ASIC2: variants seen among roughly 807,000 people sequenced by gnomAD.
ASIC2 encodes acid sensing ion channel subunit 2, also known as acid-sensing ion channel 2.
ASIC2 carries 25 observed loss-of-function variants against 57.3 expected under a neutral mutation model. That is an observed-to-expected ratio of 0.44 (90% confidence interval 0.32 to 0.61). The LOEUF is 0.61. ASIC2 is among the 20% of genes least tolerant of loss of function. ASIC2 has a pLI of 0.06. For missense variants in ASIC2, 641 were observed against 738.1 expected (o/e 0.87, Z 1.52); for synonymous variants, 319 against 307.5 (o/e 1.04, Z -0.39).
At chr17:34,091,454 T>C (rs1382480743) in intron 1 of ASIC2, among the ~76,000 whole-genome samples, 1 of 152,224 alleles carries the variant, frequency 6.6e-6, no homozygotes, top group Non-Finnish European at 1.5e-5. Flanking sequence ...GCCCACAAAC[T>C]TGAGTGGCAG....
intron 1 of ASIC2, among the ~76,000 whole-genome samples, chr17:33,545,145 A>T (rs910746631): frequency 1.3e-5 from 2 of 152,214 alleles, no homozygotes; most frequent in Admixed American, 6.5e-5. Flanking sequence ...CCTACTCCAT[A>T]GATAAATCAG....
intron 1 of ASIC2, among the ~76,000 whole-genome samples, chr17:33,670,882 G>A (rs1404459502): frequency 1.3e-5 from 2 of 152,180 alleles, no homozygotes; most frequent in African/African-American, 4.8e-5. Flanking sequence ...CTTAGCTTAA[G>A]TTTTAAAGAT....
chr17:34,031,575 G>A (rs935942006), intron 1 of ASIC2, among the ~76,000 whole-genome samples: 1 of 152,012 alleles, frequency 6.6e-6, no homozygotes, highest in African/African-American at 2.4e-5. Context: ...AGCTACAGGA[G>A]GAAATTCGAA....
intron 1 of ASIC2, among the ~76,000 whole-genome samples, chr17:33,418,912 C>T (rs929271764): frequency 2.3e-4 from 32 of 136,992 alleles, no homozygotes; most frequent in Middle Eastern, 3.8e-3. Flanking sequence ...TGAGAACACA[C>T]GGACACGGGG....
At chr17:33,512,251 T>C (rs1914450772) in intron 1 of ASIC2, among the ~76,000 whole-genome samples, 1 of 152,208 alleles carries the variant, frequency 6.6e-6, no homozygotes, top group African/African-American at 2.4e-5. Context: ...TCAGTGCTCC[T>C]CAAGATTTCC....
intron 1 of ASIC2, among the ~76,000 whole-genome samples, chr17:33,333,029 T>A (rs1907378039): frequency 6.6e-6 from 1 of 152,250 alleles, no homozygotes; most frequent in South Asian, 2.1e-4. Context: ...ATGTAGCATG[T>A]TCAATCTACA....
At chr17:33,359,471 T>C (rs1393242951) in intron 1 of ASIC2, among the ~76,000 whole-genome samples, 1 of 152,158 alleles carries the variant, frequency 6.6e-6, no homozygotes, top group Non-Finnish European at 1.5e-5. Context: ...CAGGGGTTCA[T>C]GGCCAAGCTC....
At chr17:33,317,830 T>A (rs1322416747) in intron 1 of ASIC2, among the ~76,000 whole-genome samples, 1 of 151,582 alleles carries the variant, frequency 6.6e-6, no homozygotes, top group Non-Finnish European at 1.5e-5. Context: ...ACGGAGGAGA[T>A]GGAATTTCAG....
chr17:33,380,273 G>A lies in ASIC2; in HGVS notation c.556-268206C>T, dbSNP rs944581331. On this transcript the variant is annotated intron_variant, in intron 1 of 9. Coordinates refer to the ASIC2 transcript ENST00000359872. ...AAAAAAAAAAAAAAAAAAAAAGAAA[G>A]AAAGAAAGAAAGAAAAAAAGAAAAA... Among the ~76,000 whole-genome samples, 504 of 125,276 alleles carry A rather than the reference G, an allele frequency of 4.0e-3. 1 individual carries two copies. Among genetic ancestry groups the A allele is most frequent in the Middle Eastern group, 0.014 (3 of 222 alleles). 82.2% of individuals were successfully genotyped at this position (125,276 alleles called of 152,430 possible). A position where few individuals can be genotyped will look rare whatever the true frequency, so the allele number is the denominator to read the frequency against.
intron 1 of ASIC2, among the ~76,000 whole-genome samples, chr17:33,588,008 A>G (rs1904695972): frequency 6.6e-6 from 1 of 152,232 alleles, no homozygotes; most frequent in South Asian, 2.1e-4. Context: ...ATAAAGATTT[A>G]GGAACACCAG....
At chr17:33,138,989 A>C (rs1267130142) in intron 1 of ASIC2, among the ~76,000 whole-genome samples, 1 of 152,172 alleles carries the variant, frequency 6.6e-6, no homozygotes, top group African/African-American at 2.4e-5. Context: ...GTACCCTGGC[A>C]TGTGGCCTTA....
intron 1 of ASIC2, among the ~76,000 whole-genome samples, chr17:33,727,920 ATACT>A (rs1437325468): frequency 6.6e-6 from 1 of 152,204 alleles, no homozygotes; most frequent in Non-Finnish European, 1.5e-5. Flanking sequence ...CCACCAACAA[ATACT>A]TACTGAGCAT....
chr17:33,074,911 C>G (rs1221473340), intron 3 of ASIC2, among the ~76,000 whole-genome samples: 1 of 152,112 alleles, frequency 6.6e-6, no homozygotes, highest in Non-Finnish European at 1.5e-5. Context: ...ACTCAATGAA[C>G]TATGATGGCA....
At chr17:33,689,377 A>C (rs1277033943) in intron 1 of ASIC2, among the ~76,000 whole-genome samples, 1 of 152,038 alleles carries the variant, frequency 6.6e-6, no homozygotes, top group Admixed American at 6.6e-5. Flanking sequence ...GACTAGCCTC[A>C]TGGTATATTT....
intron 1 of ASIC2, among the ~76,000 whole-genome samples, chr17:33,592,690 C>T (rs191239031): frequency 3.9e-5 from 6 of 152,270 alleles, no homozygotes; most frequent in Admixed American, 1.3e-4. Flanking sequence ...ATCTCTACCC[C>T]GGACCAAAGT....
chr17:34,090,364 G>A (rs1910283720), intron 1 of ASIC2, among the ~76,000 whole-genome samples: 1 of 152,092 alleles, frequency 6.6e-6, no homozygotes, highest in Admixed American at 6.5e-5. Context: ...TACTGAGTAA[G>A]TCAGCTGCAG....
At chr17:33,138,522 C>T (rs1181838904) in intron 1 of ASIC2, among the ~76,000 whole-genome samples, 1 of 152,174 alleles carries the variant, frequency 6.6e-6, no homozygotes, top group Non-Finnish European at 1.5e-5. Context: ...TTGACTAGTA[C>T]ACTTCTTCCT....
chr17:34,025,906 T>C (rs1357853037), intron 1 of ASIC2, among the ~76,000 whole-genome samples: 1 of 152,244 alleles, frequency 6.6e-6, no homozygotes, highest in Non-Finnish European at 1.5e-5. Flanking sequence ...GCTGATGCTG[T>C]CCTTACCAGG....
chr17:33,619,977 T>C (rs1178580631), intron 1 of ASIC2, among the ~76,000 whole-genome samples: 3 of 152,152 alleles, frequency 2.0e-5, no homozygotes, highest in African/African-American at 7.2e-5. Context: ...TTTGGAAATA[T>C]TGCGATTGTT....
Sources: gnomAD v4.1 joint callset for allele counts (sites outside exome capture counted in the v4.1 genomes callset) on GRCh38, gnomAD v4.1.1 for gene constraint, MANE v1.5 for transcripts, NCBI Gene and HGNC (gene_info 2026-07-23, HGNC 2026-07-21) for gene names.